Variants in JMJD1C observed in about 807,000 individuals in gnomAD.
The protein encoded by JMJD1C is jumonji domain containing 1C.
A neutral mutation model predicts 245.3 loss-of-function variants in JMJD1C; 31 were observed. The ratio of observed to expected loss-of-function variants is 0.13; its 90% CI spans 0.09 to 0.17. The LOEUF (loss-of-function observed/expected upper bound fraction) is 0.17. JMJD1C is among the 10% of genes least tolerant of loss of function. The pLI is 1.00. For missense variants in JMJD1C, 2,691 were observed against 3,000.2 expected, an observed-to-expected ratio of 0.90 and a Z score of 2.41; for synonymous variants, 1,057 against 1,017.4, an observed-to-expected ratio of 1.04 and a Z score of -0.74.
At chr10:63,518,562 A>G (rs1344510623) in intron 1 of JMJD1C, among the ~76,000 whole-genome samples, 1 of 152,230 alleles carries the variant, frequency 6.6e-6, no homozygotes, top group Non-Finnish European at 1.5e-5. Context: ...AGTTGTGAAC[A>G]AAACAATCTT....
At chr10:63,181,010 C>T (rs1020905284) in intron 22 of JMJD1C, among the ~76,000 whole-genome samples, 22 of 151,920 alleles carry the variant, frequency 1.4e-4, no homozygotes, top group Admixed American at 2.6e-4. Flanking sequence ...CCTCGTGATC[C>T]GCCCGCCTCG....
chr10:63,338,981 T>C (rs6479894), intron 2 of JMJD1C, among the ~76,000 whole-genome samples: 130,794 of 152,192 alleles, frequency 0.86, 56,907 homozygotes, highest in African/African-American at 0.96. Flanking sequence ...TTGTGTAGTA[T>C]GAAAGATTAT....
chr10:63,405,254 A>G (rs1005819928), intron 1 of JMJD1C, among the ~76,000 whole-genome samples: 4 of 152,002 alleles, frequency 2.6e-5, no homozygotes, highest in African/African-American at 7.3e-5. Flanking sequence ...TTTATCTGTT[A>G]CACAGCTAAT....
At chr10:63,355,744 TA>T (rs921049834) in intron 2 of JMJD1C, among the ~76,000 whole-genome samples, 271 of 146,036 alleles carry the variant, frequency 1.9e-3, no homozygotes, top group Admixed American at 8.2e-3. Flanking sequence ...AGTTACTTAT[TA>T]AAAAAAAAAA....
In JMJD1C at chr10:63,465,509, T is replaced by C. The variant is rs748934644; in HGVS notation, c.154A>G (p.Asn52Asp). 3 of 1,604,554 alleles carry C rather than the reference T, an allele frequency of 1.9e-6. No homozygotes were observed. The East Asian group carries it at 6.7e-5, about 36-fold the overall frequency. Residue 52 changes from asparagine (N) to aspartate (D), a missense_variant, in exon 1 of 26, where the codon AAT becomes GAT. Physicochemically the swap from Asn to Asp is conservative, Grantham distance 23. Transcript: ENST00000399262. ...IRAVSHRDSR[N>D]PDLAVYVEFD... The stretch of plus-strand genomic sequence containing the variant: ...GACTCTCTTACCGCCAGGTCCGGAT[T>C]GCGGCTGTCCCTGTGTGACACGGCT...
chr10:63,312,927 C>T (rs1485969409), intron 2 of JMJD1C, among the ~76,000 whole-genome samples: 1 of 152,204 alleles, frequency 6.6e-6, no homozygotes, highest in African/African-American at 2.4e-5. Context: ...CACACTTTTA[C>T]ATTAAACAAT....
At chr10:63,225,987 C>CA (rs1446667261) in intron 3 of JMJD1C, among the ~76,000 whole-genome samples, 7 of 21,568 alleles carry the variant, frequency 3.2e-4, no homozygotes, top group African/African-American at 4.9e-4. Context: ...TCTCCCCCAC[C>CA]CCCCCCTTCC....
At chr10:63,350,073 TTAATATA>T (rs1257706347) in intron 2 of JMJD1C, among the ~76,000 whole-genome samples, 1 of 152,194 alleles carries the variant, frequency 6.6e-6, no homozygotes, top group Non-Finnish European at 1.5e-5. Flanking sequence ...GAATAAGATT[TTAATATA>T]TTATTCACAT....
chr10:63,504,019 G>A (rs964590142), intron 1 of JMJD1C, among the ~76,000 whole-genome samples: 4 of 152,150 alleles, frequency 2.6e-5, no homozygotes, highest in Non-Finnish European at 4.4e-5. Flanking sequence ...GCCACACTCT[G>A]CCATGACACC....
intron 2 of JMJD1C, among the ~76,000 whole-genome samples, chr10:63,379,129 A>ATGAT (rs1458502133): frequency 6.6e-6 from 1 of 152,156 alleles, no homozygotes; most frequent in Admixed American, 6.5e-5. Flanking sequence ...GAAAAGCATC[A>ATGAT]GGATTAACTA....
intron 1 of JMJD1C, among the ~76,000 whole-genome samples, chr10:63,432,616 C>T (rs1360416583): frequency 6.6e-6 from 1 of 152,208 alleles, no homozygotes; most frequent in African/African-American, 2.4e-5. Flanking sequence ...TAAATGATCA[C>T]ATCAACTCTG....
chr10:63,271,344 T>G (rs1347082832), intron 2 of JMJD1C, among the ~76,000 whole-genome samples: 1 of 151,580 alleles, frequency 6.6e-6, no homozygotes, highest in Non-Finnish European at 1.5e-5. Flanking sequence ...GCCCGGCTAA[T>G]TTTTGTATTT....
intron 13 of JMJD1C, 36 bp downstream of exon 13, chr10:63,197,375 T>C (rs1230507310): frequency 3.2e-6 from 5 of 1,559,820 alleles, no homozygotes; most frequent in African/African-American, 2.8e-5. Context: ...AGAAAAATTA[T>C]AAAAAACTTC....
chr10:63,403,895 C>T lies in JMJD1C; in HGVS notation c.169-23413G>A, dbSNP rs538518898. On this transcript the variant is annotated intron_variant, in intron 1 of 25. Coordinates refer to ENST00000399262, the MANE Select transcript of JMJD1C (RefSeq NM_032776.3). ...AGGTTGCAGTGAGCCGAGATTGCGCCACTGCACTCCAGCCTGGGCGATAGA... is the reference window on the plus strand; with the variant it reads ...AGGTTGCAGTGAGCCGAGATTGCGCTACTGCACTCCAGCCTGGGCGATAGA... 5.9e-5 allele frequency among the ~76,000 whole-genome samples: 9 copies of T among 152,234 alleles called. 1 individual carries two copies. The highest frequency in any genetic ancestry group is 3.3e-4 in the Admixed American group (5 of 15,282).
chr10:63,397,288 A>G (rs933465470), intron 1 of JMJD1C, among the ~76,000 whole-genome samples: 3 of 152,132 alleles, frequency 2.0e-5, no homozygotes, highest in African/African-American at 7.2e-5. Flanking sequence ...ATCTCAGCTC[A>G]CTACAACCTC....
At chr10:63,304,324 G>T (rs1937699461) in intron 2 of JMJD1C, among the ~76,000 whole-genome samples, 1 of 152,050 alleles carries the variant, frequency 6.6e-6, no homozygotes, top group Non-Finnish European at 1.5e-5. Flanking sequence ...TGGGCATAAG[G>T]CTGTCTCTAC....
chr10:63,193,312 A>T (rs755908910), intron 15 of JMJD1C, 33 bp downstream of exon 15: 14 of 1,560,362 alleles, frequency 9.0e-6, no homozygotes, highest in Non-Finnish European at 1.0e-5. Flanking sequence ...TTAACCACAG[A>T]TTTTATTTGA....
intron 1 of JMJD1C, chr10:63,521,533 A>G: frequency 7.0e-7 from 1 of 1,427,220 alleles, no homozygotes; most frequent in Non-Finnish European, 9.3e-7. Flanking sequence ...GTGGGGCCCA[A>G]GCCCCCGTGA....
At chr10:63,416,829 T>C (rs1040463049) in intron 1 of JMJD1C, among the ~76,000 whole-genome samples, 4 of 152,222 alleles carry the variant, frequency 2.6e-5, no homozygotes, top group African/African-American at 7.2e-5. Flanking sequence ...CAAATATGTA[T>C]ACAAAACTCT....
Sources: gnomAD v4.1 joint callset for allele counts (sites outside exome capture counted in the v4.1 genomes callset) on GRCh38, gnomAD v4.1.1 for gene constraint, MANE v1.5 for transcripts, NCBI Gene and HGNC (gene_info 2026-07-23, HGNC 2026-07-21) for gene names.